Variants in ACAN observed in about 807,000 individuals in gnomAD.
ACAN encodes the protein aggrecan, also known as aggrecan core protein.
A neutral mutation model predicts 169.1 loss-of-function variants in ACAN; 47 were observed. The ratio of observed to expected loss-of-function variants is 0.28; its 90% CI spans 0.22 to 0.35. ACAN has a LOEUF of 0.35. ACAN is among the 10% of genes least tolerant of loss of function. The pLI, the probability that ACAN is intolerant of heterozygous loss-of-function variation, is 1.00. For synonymous variants in ACAN, 1,115 were observed against 1,112.2 expected, an observed-to-expected ratio of 1.00 and a Z score of -0.05; for missense variants, 2,716 against 2,759.9, an observed-to-expected ratio of 0.98 and a Z score of 0.36.
At chr15:88,853,501 G>C (rs1221183730) in intron 11 of ACAN, among the ~76,000 whole-genome samples, 1 of 152,066 alleles carries the variant, frequency 6.6e-6, no homozygotes, top group Non-Finnish European at 1.5e-5. Context: ...AGCCAGGTGT[G>C]GTGGCACGCA....
chr15:88,837,931 T>TC lies in ACAN; in HGVS notation c.71-728dup, dbSNP rs535795702. ...AGCTGTTTTTTTTCTTTTTTTTTTT[T>TC]CCCCATTCCCAGCAGATCTTTTGTT... On this transcript the variant is annotated intron_variant, in intron 2 of 18. Transcript: ENST00000560601. Among the ~76,000 whole-genome samples the TC allele has an allele frequency of 3.3e-3, 501 of 150,498 alleles. 4 individuals carry two copies. Among genetic ancestry groups the TC allele is most frequent in the African/African-American group, 0.011 (444 of 40,728 alleles).
chr15:88,848,301 C>T (rs1382425489), intron 9 of ACAN, among the ~76,000 whole-genome samples: 1 of 152,232 alleles, frequency 6.6e-6, no homozygotes, highest in Non-Finnish European at 1.5e-5. Context: ...GCAATGAGGT[C>T]TGTGGGTAAA....
At chr15:88,837,430 C>T (rs1896532400) in intron 2 of ACAN, among the ~76,000 whole-genome samples, 1 of 152,168 alleles carries the variant, frequency 6.6e-6, no homozygotes, top group Non-Finnish European at 1.5e-5. Context: ...ATCTGTTGGC[C>T]TGATTTACAA....
At chr15:88,829,589 G>C (rs186641700) in intron 1 of ACAN, among the ~76,000 whole-genome samples, 83 of 152,338 alleles carry the variant, frequency 5.4e-4, no homozygotes, top group Non-Finnish European at 9.0e-4. Flanking sequence ...TCTTGTTCAT[G>C]AGCGAGTGAC....
rs1895883610 is a variant in ACAN at position 88,814,100 on chromosome 15, A to G, written c.-8+10291A>G. Among the ~76,000 whole-genome samples, 1 of 152,162 alleles carries G rather than the reference A, an allele frequency of 6.6e-6. No homozygotes were observed. Among genetic ancestry groups the G allele is most frequent in the Non-Finnish European group, 1.5e-5 (1 of 68,038 alleles). On this transcript the variant is annotated intron_variant, in intron 1 of 18. Coordinates refer to ENST00000560601, the MANE Select transcript of ACAN (RefSeq NM_001369268.1). This position sits in a 1 kb window ranked among gnomAD's most constrained non-coding sequence, Gnocchi z 4.0. ...GATAGAAGGGCTCCAGGCTCACCAA[A>G]GTGACTTCGTCAGCAGCCATCCCTC...
Position 88,841,832 on chromosome 15 carries a change from C to T in ACAN, c.722C>T (p.Thr241Ile), listed in dbSNP as rs757798845. 2 of 1,613,480 alleles carry T rather than the reference C, an allele frequency of 1.2e-6. No individual in the cohort carries two copies. The highest frequency in any genetic ancestry group is 1.7e-6 in the Non-Finnish European group (2 of 1,179,748). Residue 241 changes from threonine to isoleucine, a missense_variant, in exon 5 of 19, where the codon ACC becomes ATC. Coordinates refer to ENST00000560601, the MANE Select transcript of ACAN (RefSeq NM_001369268.1). ...TATGGCATCCGAGACACCAACGAGA[C>T]CTATGATGTGTACTGCTTCGCCGAG... Reference protein sequence around the residue: ...RTYGIRDTNETYDVYCFAEEM... With the variant: ...RTYGIRDTNEIYDVYCFAEEM...
Position 88,857,285 on chromosome 15 carries a change from G to A in ACAN, c.4700G>A (p.Ser1567Asn). The change falls in exon 12 of 19, where the codon AGT becomes AAT. Residue 1567 changes from serine to asparagine, a missense_variant. Coordinates refer to ENST00000560601, the MANE Select transcript of ACAN (RefSeq NM_001369268.1). ...GCTTCTGAAGTAGGGACTGACCTCA[G>A]TGGGCTTCCTTCTGGAAGGGAGGGT... ...TSASEVGTDLSGLPSGREGLE... is the reference protein window; with the variant it reads ...TSASEVGTDLNGLPSGREGLE... The A allele has an allele frequency of 6.2e-7, 1 of 1,613,588 alleles. No individual in the cohort carries two copies. Among genetic ancestry groups the A allele is most frequent in the Non-Finnish European group, 8.5e-7 (1 of 1,179,812 alleles).
intron 1 of ACAN, among the ~76,000 whole-genome samples, chr15:88,823,965 G>A (rs1023567985): frequency 1.3e-5 from 2 of 152,128 alleles, no homozygotes; most frequent in Admixed American, 6.5e-5. Flanking sequence ...CTTCTTATGT[G>A]TTCTAAGGCT....
rs185714972 is a variant in ACAN, at chr15:88,866,006, G to A, written c.6947-2210G>A. Among the ~76,000 whole-genome samples the A allele has an allele frequency of 1.4e-3, 218 of 151,952 alleles. No homozygotes were observed. The highest frequency in any genetic ancestry group is 2.4e-3 in the Non-Finnish European group (166 of 67,948). ...CCTCCTCATCTGTAAATCCAGGGCCGTGAAAAAAAAAATTCTGAGCCCCGG... is the reference window on the plus strand; with the variant it reads ...CCTCCTCATCTGTAAATCCAGGGCCATGAAAAAAAAAATTCTGAGCCCCGG... On this transcript the variant is annotated intron_variant, in intron 13 of 18. Coordinates refer to ENST00000560601, the MANE Select transcript of ACAN (RefSeq NM_001369268.1). This position sits in a 1 kb window ranked among gnomAD's most constrained non-coding sequence, Gnocchi z 5.6.
At chr15:88,859,443 A>G in intron 12 of ACAN, 26 bp downstream of exon 12, 3 of 1,551,668 alleles carry the variant, frequency 1.9e-6, no homozygotes, top group Non-Finnish European at 2.6e-6. Context: ...CCCCCTTTAA[A>G]TGTGCTTAGG....
In ACAN at chr15:88,871,254, C is replaced by T; in HGVS notation, c.7061-128C>T. 7.5e-7 allele frequency: 1 copy of T among 1,330,984 alleles called. No homozygotes were observed. The highest frequency in any genetic ancestry group is 1.4e-5 in the South Asian group (1 of 73,954). 82.4% of individuals were successfully genotyped at this position (1,330,984 alleles called of 1,614,324 possible). ...AACCTGAACTCCTCCAGCTGTGCCT[C>T]TCCCTTCCCTTGAGGGCACAGCATG... On this transcript the variant is annotated intron_variant, in intron 14 of 18. Transcript: ENST00000560601. The surrounding 1 kb of genome is among the most constrained non-coding windows in gnomAD (Gnocchi z 7.8).
chr15:88,860,290 G>A (rs1463214727), intron 12 of ACAN, 36 bp from the exon 13 acceptor site: 6 of 1,497,056 alleles, frequency 4.0e-6, no homozygotes, highest in East Asian at 2.3e-5. Context: ...AGGTGACTGT[G>A]TTCTTGATGC....
At chr15:88,848,072 ATGGGCAGGGGG>A (rs1347047732) in intron 9 of ACAN, 34 bp downstream of exon 9, 2 of 1,606,774 alleles carry the variant, frequency 1.2e-6, no homozygotes, top group South Asian at 1.1e-5. Flanking sequence ...CGGGCCCTAG[ATGGGCAGGGGG>A]TGGGCAGGGA....
intron 1 of ACAN, among the ~76,000 whole-genome samples, chr15:88,822,062 C>T (rs1279714263): frequency 2.6e-5 from 4 of 152,226 alleles, no homozygotes; most frequent in Admixed American, 6.5e-5. Context: ...GGGAAGCTCA[C>T]CTGAGCCTTG....
chr15:88,826,381 T>C (rs1203224718), intron 1 of ACAN, among the ~76,000 whole-genome samples: 6 of 149,090 alleles, frequency 4.0e-5, no homozygotes, highest in Non-Finnish European at 5.9e-5. Flanking sequence ...TTTCTTTTTT[T>C]TTTTTTTTTT....
Position 88,858,234 on chromosome 15 carries a change from T to C in ACAN, c.5649T>C (p.Asp1883=). Residue 1883 remains aspartate, a synonymous_variant, in exon 12 of 19, where the codon GAT becomes GAC. Coordinates refer to ENST00000560601, the MANE Select transcript of ACAN (RefSeq NM_001369268.1). This position sits in a 1 kb window ranked among gnomAD's most constrained non-coding sequence, Gnocchi z 4.0. ...DVSGQFSGTV[D]SSGFTSQTPE... ...GTGGACAGTTTTCTGGAACAGTCGA[T>C]TCCAGTGGGTTTACATCCCAGACTC... 1.2e-6 allele frequency: 2 copies of C among 1,613,936 alleles called. No homozygotes were observed. Among genetic ancestry groups the C allele is most frequent in the Middle Eastern group, 1.6e-4 (1 of 6,062 alleles).
rs918924962 is a variant in ACAN, at chr15:88,852,111, G to A, written c.2266+78G>A. On this transcript the variant is annotated intron_variant, in intron 11 of 18. Transcript: ENST00000560601. Reference sequence around the variant, plus strand: ...TCCTACAGTGTGCCTGGTGGGGCGGGGGGGTTCCCTCCCTGGGATTTGTGC... The same window carrying A: ...TCCTACAGTGTGCCTGGTGGGGCGGAGGGGTTCCCTCCCTGGGATTTGTGC... The A allele has an allele frequency of 1.3e-5, 19 of 1,507,672 alleles. No homozygotes were observed. In the East Asian group the frequency reaches 1.5e-4, roughly 12 times the overall value. 93.4% of individuals were successfully genotyped at this position (1,507,672 alleles called of 1,614,324 possible). A position where few individuals can be genotyped will look rare whatever the true frequency, so the allele number is the denominator to read the frequency against.
At chr15:88,824,547 C>A (rs1048936479) in intron 1 of ACAN, among the ~76,000 whole-genome samples, 1 of 152,072 alleles carries the variant, frequency 6.6e-6, no homozygotes, top group Non-Finnish European at 1.5e-5. Context: ...CTGAAACAGA[C>A]AGTGAACAAA....
intron 1 of ACAN, among the ~76,000 whole-genome samples, chr15:88,824,596 C>T (rs185970517): frequency 6.8e-4 from 104 of 152,174 alleles, no homozygotes; most frequent in Non-Finnish European, 1.0e-3. Context: ...ATGATGCTAT[C>T]GGCCAGGTGT....
Sources: allele counts gnomAD v4.1 joint callset (sites outside exome capture counted in the v4.1 genomes callset), GRCh38; gene constraint gnomAD v4.1.1; non-coding constraint Gnocchi (gnomAD v3.1); transcripts MANE v1.5; gene names NCBI Gene and HGNC (gene_info 2026-07-23, HGNC 2026-07-21).